LITAF: variants seen among roughly 807,000 people sequenced by gnomAD.
LITAF encodes lipopolysaccharide-induced tumor necrosis factor-alpha factor.
A neutral mutation model predicts 14.5 loss-of-function variants in LITAF; 9 were observed. The ratio of observed to expected loss-of-function variants is 0.62; its 90% CI spans 0.37 to 1.08. LITAF has a LOEUF of 1.08. Ranked by LOEUF, LITAF falls within the 50% of genes least tolerant of loss-of-function variation. LITAF has a pLI of 0.01. For missense variants in LITAF, 206 were observed against 213.4 expected (o/e 0.97, Z 0.22); for synonymous variants, 98 against 88.2 (o/e 1.11, Z -0.62).
At chr16:11,587,040 C>G (rs17523623), upstream of LITAF, 60,948 of 154,812 alleles carry the variant, frequency 0.39, 13,926 homozygotes, top group Non-Finnish European at 0.52. Flanking sequence ...CCCCGCGGCC[C>G]GCACCTGGGC....
At chr16:11,575,668 C>G (rs2064620445) in intron 1 of LITAF, 1 of 152,246 alleles carries the variant, frequency 6.6e-6, no homozygotes, top group South Asian at 2.1e-4. Flanking sequence ...CAGAAGCCAT[C>G]CCAACAACTC....
chr16:11,626,383 G>A (rs2065083998), intron 3 of LITAF, among the ~76,000 whole-genome samples: 1 of 145,792 alleles, frequency 6.9e-6, no homozygotes, highest in Non-Finnish European at 1.5e-5. Flanking sequence ...TTGCTCTGTT[G>A]CCCAGGCTGG....
chr16:11,566,948 G>A (rs1016957636), intron 1 of LITAF, among the ~76,000 whole-genome samples: 1 of 152,214 alleles, frequency 6.6e-6, no homozygotes, highest in African/African-American at 2.4e-5. Flanking sequence ...TTCAGCTCAA[G>A]GTAACACGAG....
upstream of LITAF, among the ~76,000 whole-genome samples, chr16:11,602,160 G>A (rs527555230): frequency 4.6e-5 from 7 of 152,184 alleles, no homozygotes; most frequent in Middle Eastern, 3.4e-3. Flanking sequence ...TCAGGAGTTC[G>A]AGACCAGCCA....
upstream of LITAF, among the ~76,000 whole-genome samples, chr16:11,591,965 C>T (rs2064849587): frequency 6.6e-6 from 1 of 152,332 alleles, no homozygotes; most frequent in East Asian, 1.9e-4. Context: ...CTCTACCTCA[C>T]ATCATATACA....
At chr16:11,587,542 G>A (rs754625216), upstream of LITAF, 18 of 424,384 alleles carry the variant, frequency 4.2e-5, no homozygotes, top group African/African-American at 3.7e-4. Context: ...GAGTGAACTG[G>A]GAAGATGGTA....
intron 1 of LITAF, among the ~76,000 whole-genome samples, chr16:11,579,967 TG>T (rs2064707752): frequency 1.3e-5 from 2 of 152,316 alleles, no homozygotes; most frequent in Middle Eastern, 6.8e-3. Context: ...TCTGAAAAGC[TG>T]CCCTTTGATA....
At chr16:11,639,479 A>G (rs1027394492), upstream of LITAF, among the ~76,000 whole-genome samples, 1 of 152,046 alleles carries the variant, frequency 6.6e-6, no homozygotes. Flanking sequence ...GGATGGATGG[A>G]TGAATGGATG....
At chr16:11,574,972 T>G (rs1332920308) in intron 1 of LITAF, among the ~76,000 whole-genome samples, 2 of 152,104 alleles carry the variant, frequency 1.3e-5, no homozygotes, top group Non-Finnish European at 2.9e-5. Context: ...TCAGCTCATT[T>G]TTTTATTTTT....
At chr16:11,568,869 A>G (rs1456003341) in intron 1 of LITAF, among the ~76,000 whole-genome samples, 1 of 151,986 alleles carries the variant, frequency 6.6e-6, no homozygotes, top group African/African-American at 2.4e-5. Flanking sequence ...TAGGAGGGAC[A>G]GGGTTTCACC....
chr16:11,605,659 C>A lies in LITAF; in HGVS notation c.85+27874G>T, dbSNP rs6498229. Among the ~76,000 whole-genome samples the A allele has an allele frequency of 1.3e-5, 2 of 152,028 alleles. No individual in the cohort carries two copies. Among genetic ancestry groups the A allele is most frequent in the Non-Finnish European group, 2.9e-5 (2 of 67,986 alleles). On this transcript the variant is annotated intron_variant, in intron 3 of 3. Transcript: ENST00000574848. The surrounding 1 kb of genome is among the most constrained non-coding windows in gnomAD (Gnocchi z 4.7). ...AAGTAAAGCAGCAGCCAGCCGGGCA[C>A]GGAGGCCAAGGCAGGAGGATCGCTG... is the stretch of plus-strand genomic sequence containing the variant.
chr16:11,606,853 G>A (rs769067805), intron 3 of LITAF, among the ~76,000 whole-genome samples: 3 of 152,136 alleles, frequency 2.0e-5, no homozygotes, highest in Non-Finnish European at 2.9e-5. Context: ...TGACCAGAGT[G>A]GTTTCGAACT....
At chr16:11,554,177 A>C (rs1251322376) in intron 2 of LITAF, among the ~76,000 whole-genome samples, 1 of 152,150 alleles carries the variant, frequency 6.6e-6, no homozygotes, top group Non-Finnish European at 1.5e-5. Flanking sequence ...GGATGCAGTG[A>C]ATCATGATTG....
intron 1 of LITAF, among the ~76,000 whole-genome samples, chr16:11,566,770 G>A (rs1006372701): frequency 6.6e-6 from 1 of 151,522 alleles, no homozygotes; most frequent in Non-Finnish European, 1.5e-5. Context: ...GGGGCGCATG[G>A]ACAGAGGAAG....
chr16:11,579,725 C>G (rs1254882982), intron 1 of LITAF, among the ~76,000 whole-genome samples: 1 of 152,106 alleles, frequency 6.6e-6, no homozygotes, highest in East Asian at 1.9e-4. Context: ...GGGTGAGGAA[C>G]TCCCTGTACT....
intron 1 of LITAF, among the ~76,000 whole-genome samples, chr16:11,592,767 G>A (rs537756035): frequency 6.6e-6 from 1 of 152,262 alleles, no homozygotes; most frequent in South Asian, 2.1e-4. Flanking sequence ...CGGGCACGGT[G>A]GCTCATGCCT....
At chr16:11,602,151 C>A (rs1310675405), upstream of LITAF, among the ~76,000 whole-genome samples, 6 of 152,232 alleles carry the variant, frequency 3.9e-5, 1 homozygote, top group South Asian at 8.3e-4. Context: ...TGCCTGAGCT[C>A]AGGAGTTCGA....
At chr16:11,606,670 A>G (rs1339267199) in intron 3 of LITAF, among the ~76,000 whole-genome samples, 1 of 146,864 alleles carries the variant, frequency 6.8e-6, no homozygotes, top group African/African-American at 2.5e-5. Flanking sequence ...CAAAACTACA[A>G]CATGCCCAGG....
At chr16:11,592,580 A>G (rs1395343198) in intron 1 of LITAF, among the ~76,000 whole-genome samples, 1 of 28,390 alleles carries the variant, frequency 3.5e-5, no homozygotes. Context: ...GTCTCAAAAG[A>G]AAAAAAAAAA....
Sources: allele counts gnomAD v4.1 joint callset (sites outside exome capture counted in the v4.1 genomes callset), GRCh38; gene constraint gnomAD v4.1.1; non-coding constraint Gnocchi (gnomAD v3.1); transcripts MANE v1.5; gene names NCBI Gene and HGNC (gene_info 2026-07-23, HGNC 2026-07-21).